Variants in GPC5 observed in about 807,000 individuals in gnomAD.
The protein encoded by GPC5 is glypican 5, also known as glypican-5.
In GPC5, 47 loss-of-function variants were observed where a neutral mutation model predicts 53.9. The observed-to-expected ratio is 0.87, with a 90% CI of 0.69 to 1.11. GPC5 has a LOEUF of 1.11. GPC5 is among the 50% of genes most tolerant of loss of function. GPC5 has a pLI of 0.00. For synonymous variants in GPC5, 286 were observed against 263.3 expected, an observed-to-expected ratio of 1.09 and a Z score of -0.84; for missense variants, 748 against 713.1, an observed-to-expected ratio of 1.05 and a Z score of -0.56.
At chr13:91,929,795 T>C (rs187506272) in intron 6 of GPC5, among the ~76,000 whole-genome samples, 232 of 140,954 alleles carry the variant, frequency 1.6e-3, no homozygotes, top group Non-Finnish European at 2.4e-3. Context: ...ATTTCCTTTT[T>C]GTCTCTCAGA....
intron 2 of GPC5, among the ~76,000 whole-genome samples, chr13:91,503,817 A>AATAATAATCATCATCATCATC (rs1555316221): frequency 4.1e-5 from 6 of 147,416 alleles, no homozygotes; most frequent in African/African-American, 1.5e-4. Context: ...TAATAATAAT[A>AATAATAATCATCATCATCATC]ATCAGGCTGT....
At chr13:91,645,901 GAC>G (rs1447339885) in intron 2 of GPC5, among the ~76,000 whole-genome samples, 1 of 152,184 alleles carries the variant, frequency 6.6e-6, no homozygotes, top group African/African-American at 2.4e-5. Flanking sequence ...GTGTTCTTCT[GAC>G]ACACTTTGGA....
intron 7 of GPC5, among the ~76,000 whole-genome samples, chr13:92,827,680 T>C (rs964811383): frequency 3.9e-5 from 6 of 152,128 alleles, no homozygotes; most frequent in African/African-American, 1.4e-4. Context: ...TCTTTTTACT[T>C]TTCCAAAGTG....
chr13:92,640,699 GA>G (rs976647244), intron 7 of GPC5, among the ~76,000 whole-genome samples: 2 of 152,136 alleles, frequency 1.3e-5, no homozygotes, highest in African/African-American at 4.8e-5. Flanking sequence ...AAGTGCTCAA[GA>G]AAACAATGGG....
At chr13:92,139,391 G>T (rs2041810872) in intron 6 of GPC5, among the ~76,000 whole-genome samples, 1 of 152,006 alleles carries the variant, frequency 6.6e-6, no homozygotes, top group Non-Finnish European at 1.5e-5. Context: ...GTTATGGCTG[G>T]GCGCAGTGGC....
intron 7 of GPC5, among the ~76,000 whole-genome samples, chr13:92,763,035 A>G (rs1468637629): frequency 2.0e-5 from 3 of 151,782 alleles, no homozygotes; most frequent in East Asian, 3.9e-4. Flanking sequence ...TGAATTGTCT[A>G]TCTGTATTCT....
chr13:91,658,370 CATATTTTGGGGGA>C (rs2034898761), intron 2 of GPC5, among the ~76,000 whole-genome samples: 2 of 145,022 alleles, frequency 1.4e-5, no homozygotes, highest in Non-Finnish European at 3.0e-5. Flanking sequence ...TGGATTGTTT[CATATTTTGGGGGA>C]ATTTTTTGGG....
At chr13:92,085,072 C>T (rs1442328562) in intron 6 of GPC5, among the ~76,000 whole-genome samples, 1 of 152,164 alleles carries the variant, frequency 6.6e-6, no homozygotes, top group Non-Finnish European at 1.5e-5. Flanking sequence ...GCACTAATCC[C>T]ATTCATGAGA....
intron 7 of GPC5, among the ~76,000 whole-genome samples, chr13:92,378,972 A>G (rs2043716682): frequency 6.6e-6 from 1 of 152,218 alleles, no homozygotes; most frequent in Non-Finnish European, 1.5e-5. Context: ...CATCAGCCAT[A>G]TGATATGCAG....
intron 7 of GPC5, among the ~76,000 whole-genome samples, chr13:92,478,523 G>A (rs561141391): frequency 7.9e-5 from 12 of 152,158 alleles, no homozygotes; most frequent in Non-Finnish European, 1.6e-4. Flanking sequence ...CGCTAAAAAT[G>A]TATGCCTAAC....
At chr13:91,829,849 T>C (rs1483873581) in intron 5 of GPC5, among the ~76,000 whole-genome samples, 1 of 151,938 alleles carries the variant, frequency 6.6e-6, no homozygotes, top group East Asian at 1.9e-4. Flanking sequence ...ACGAATAGGG[T>C]GTGGGTCACA....
chr13:92,178,741 C>A (rs2042125941), intron 7 of GPC5, among the ~76,000 whole-genome samples: 1 of 152,034 alleles, frequency 6.6e-6, no homozygotes, highest in Non-Finnish European at 1.5e-5. Context: ...CTTTGGGAAG[C>A]CAAGGTGGGC....
intron 2 of GPC5, among the ~76,000 whole-genome samples, chr13:91,629,973 T>G (rs61966919): frequency 0.22 from 32,843 of 152,052 alleles, 4,007 homozygotes; most frequent in African/African-American, 0.33. Context: ...CCTTTTCCAA[T>G]GATCATCTTT....
chr13:92,108,417 G>A (rs957531429), intron 6 of GPC5, among the ~76,000 whole-genome samples: 23 of 152,008 alleles, frequency 1.5e-4, no homozygotes, highest in Non-Finnish European at 2.9e-4. Context: ...AATGCCCTGC[G>A]AAATCATTAG....
intron 7 of GPC5, among the ~76,000 whole-genome samples, chr13:92,804,729 C>A (rs1389954878): frequency 1.3e-5 from 2 of 152,012 alleles, no homozygotes; most frequent in Middle Eastern, 3.2e-3. Flanking sequence ...CAAAATATTT[C>A]TCTACAGCAT....
chr13:91,925,732 A>G (rs543073013), intron 6 of GPC5, among the ~76,000 whole-genome samples: 16 of 152,304 alleles, frequency 1.1e-4, no homozygotes, highest in Admixed American at 4.6e-4. Context: ...TGCAAAAACA[A>G]ACGAAAAAGC....
chr13:92,623,173 A>C (rs1277352453), intron 7 of GPC5, among the ~76,000 whole-genome samples: 1 of 152,096 alleles, frequency 6.6e-6, no homozygotes, highest in Non-Finnish European at 1.5e-5. Context: ...CTCAAAAAAA[A>C]AAAAGAAAAG....
At chr13:91,462,042 G>A (rs1354146027) in intron 2 of GPC5, among the ~76,000 whole-genome samples, 2 of 152,128 alleles carry the variant, frequency 1.3e-5, no homozygotes, top group African/African-American at 2.4e-5. Context: ...ATTGTATTAA[G>A]TGGTATTAAA....
chr13:91,736,689 T>A (rs770364715), intron 4 of GPC5, among the ~76,000 whole-genome samples: 20 of 151,568 alleles, frequency 1.3e-4, no homozygotes, highest in Middle Eastern at 3.4e-3. Context: ...TAAAAATTAA[T>A]ATTTTCTAAG....
Sources: gnomAD v4.1 joint callset for allele counts (sites outside exome capture counted in the v4.1 genomes callset) on GRCh38, gnomAD v4.1.1 for gene constraint, MANE v1.5 for transcripts, NCBI Gene and HGNC (gene_info 2026-07-23, HGNC 2026-07-21) for gene names.